GOLM1: variants seen among roughly 807,000 people sequenced by gnomAD.
GOLM1 encodes epididymis luminal protein 46.
GOLM1 carries 31 observed loss-of-function variants against 50.5 expected under a neutral mutation model. The observed-to-expected ratio is 0.61, with a 90% confidence interval of 0.46 to 0.83. GOLM1 has a LOEUF of 0.83. GOLM1 is among the 40% of genes least tolerant of loss of function. The pLI, the probability that GOLM1 is intolerant of heterozygous loss-of-function variation, is 0.00. For synonymous variants in GOLM1, 178 were observed against 192.8 expected, an observed-to-expected ratio of 0.92 and a Z score of 0.64; for missense variants, 491 against 501.3, an observed-to-expected ratio of 0.98 and a Z score of 0.20.
intron 1 of GOLM1, among the ~76,000 whole-genome samples, chr9:86,092,975 T>C (rs903525104): frequency 6.6e-6 from 1 of 152,238 alleles, no homozygotes; most frequent in African/African-American, 2.4e-5. Flanking sequence ...GTCTCATACT[T>C]GGTTATAAGC....
intron 9 of GOLM1, 62 bp from the exon 10 acceptor site, chr9:86,027,955 G>T: frequency 2.0e-6 from 2 of 977,284 alleles, no homozygotes; most frequent in Non-Finnish European, 3.1e-6. Flanking sequence ...CCCTAGGCAG[G>T]TCCCATTTTC....
chr9:86,066,620 A>G (rs1005980132), intron 3 of GOLM1, among the ~76,000 whole-genome samples: 5 of 152,250 alleles, frequency 3.3e-5, no homozygotes, highest in African/African-American at 1.2e-4. Context: ...AAATAAGTAA[A>G]AAGTATAAAT....
At position 86,026,552 on chromosome 9, in the gene GOLM1, G is replaced by A; in HGVS notation, c.*1265C>T. On this transcript the variant is annotated 3_prime_UTR_variant, in exon 10 of 10. Coordinates refer to ENST00000388712, the MANE Select transcript of GOLM1 (RefSeq NM_016548.4). ...TTCCCCTCTGAAAATAAGAGGGTTG[G>A]ATCAAACGATCTCTGGGGCCTTAGC... 8 of 895,086 alleles carry A rather than the reference G, an allele frequency of 8.9e-6. No individual in the cohort carries two copies. The highest frequency in any genetic ancestry group is 1.1e-5 in the Non-Finnish European group (8 of 747,546). The allele number at this position is 895,086 out of a possible 1,614,324, so 55.4% of individuals were successfully genotyped here.
chr9:86,058,709 A>AAAG (rs1834062190), intron 3 of GOLM1, among the ~76,000 whole-genome samples: 1 of 150,774 alleles, frequency 6.6e-6, no homozygotes, highest in Non-Finnish European at 1.5e-5. Context: ...AAAAAAAAAA[A>AAAG]AAATAGCCAG....
intron 3 of GOLM1, among the ~76,000 whole-genome samples, chr9:86,059,899 CAAAAAAAAAAAA>C (rs139699884): frequency 1.9e-5 from 1 of 52,450 alleles, no homozygotes. Context: ...GAGTCTATCT[CAAAAAAAAAAAA>C]AAAAAAAAAA....
At chr9:86,053,676 ACCAC>A (rs1833885375) in intron 3 of GOLM1, among the ~76,000 whole-genome samples, 4 of 32,896 alleles carry the variant, frequency 1.2e-4, no homozygotes, top group African/African-American at 3.2e-4. Context: ...CACACGGCAC[ACCAC>A]TCCACACACA....
In GOLM1 at chr9:86,027,526, G is replaced by A. The variant is rs572170337; in HGVS notation, c.*291C>T. The stretch of plus-strand genomic sequence containing the variant: ...TCCAGAATCAGGAAGCCCCGCTGTC[G>A]CCAACACTTGAAGGAGAACTATGTT... On this transcript the variant is annotated 3_prime_UTR_variant, in exon 10 of 10. Transcript: ENST00000388712. 11 of 1,186,780 alleles carry A rather than the reference G, an allele frequency of 9.3e-6. No individual in the cohort carries two copies. The highest frequency in any genetic ancestry group is 6.4e-5 in the African/African-American group (4 of 62,412). 73.5% of individuals were successfully genotyped at this position (1,186,780 alleles called of 1,614,324 possible). A position where few individuals can be genotyped will look rare whatever the true frequency, so the allele number is the denominator to read the frequency against.
rs189922913 is a variant in GOLM1, at chr9:86,056,653, C to A, written c.310-4062G>T. On this transcript the variant is annotated intron_variant, in intron 3 of 9. Coordinates refer to ENST00000388712, the MANE Select transcript of GOLM1 (RefSeq NM_016548.4). ...CCTGAGTAGCTGGGACTACAGGCGC[C>A]CGCCACCACGCCTGGCTAATTTTTT... Among the ~76,000 whole-genome samples, 30 of 151,698 alleles carry A rather than the reference C, an allele frequency of 2.0e-4. No homozygotes were observed. In the East Asian group the frequency reaches 5.9e-3, roughly 30 times the overall value.
At chr9:86,093,424 T>C (rs1835249506) in intron 1 of GOLM1, among the ~76,000 whole-genome samples, 1 of 149,386 alleles carries the variant, frequency 6.7e-6, no homozygotes, top group South Asian at 2.1e-4. Flanking sequence ...CCCAAAATTA[T>C]CTGGGTGTGG....
chr9:86,081,632 G>A (rs1267655431), intron 1 of GOLM1, among the ~76,000 whole-genome samples: 1 of 151,912 alleles, frequency 6.6e-6, no homozygotes, highest in Non-Finnish European at 1.5e-5. Flanking sequence ...GCTCATGCCT[G>A]TAATCCCAGC....
rs1196653975 is a variant in GOLM1, at chr9:86,048,719, GTTGT to G, written c.365-2151_365-2148del. 7.9e-5 allele frequency among the ~76,000 whole-genome samples: 12 copies of G among 152,224 alleles called. No homozygotes were observed. In the South Asian group the frequency reaches 8.3e-4, roughly 11 times the overall value. ...TATGCTTTGCCCACTTTTTGATGGG[GTTGT>G]TTGATTTTTTTCTTCTAAATTTGTT... On this transcript the variant is annotated intron_variant, in intron 4 of 9. Transcript: ENST00000388712.
intron 3 of GOLM1, among the ~76,000 whole-genome samples, chr9:86,064,875 T>C (rs1834263329): frequency 6.6e-6 from 1 of 152,202 alleles, no homozygotes; most frequent in Non-Finnish European, 1.5e-5. Flanking sequence ...TTGCTGTGCT[T>C]TCCTGAACCA....
At chr9:86,076,930 A>G (rs1730192985) in intron 3 of GOLM1, among the ~76,000 whole-genome samples, 1 of 151,682 alleles carries the variant, frequency 6.6e-6, no homozygotes, top group South Asian at 2.1e-4. Flanking sequence ...TCTACGCAGG[A>G]TTTGTTGGTT....
chr9:86,094,533 G>A (rs1254574945), intron 1 of GOLM1, among the ~76,000 whole-genome samples: 2 of 152,218 alleles, frequency 1.3e-5, no homozygotes, highest in Non-Finnish European at 2.9e-5. Context: ...ATAGTGGTAG[G>A]TAGTAGAAAC....
intron 4 of GOLM1, among the ~76,000 whole-genome samples, chr9:86,047,611 C>T (rs1238503616): frequency 6.6e-6 from 1 of 152,120 alleles, no homozygotes; most frequent in Admixed American, 6.5e-5. Flanking sequence ...CAGTGGTGAT[C>T]TGCGAGACTA....
chr9:86,080,528 G>T (rs1834752776), intron 1 of GOLM1, among the ~76,000 whole-genome samples: 1 of 152,076 alleles, frequency 6.6e-6, no homozygotes, highest in Non-Finnish European at 1.5e-5. Context: ...TACCACCAAG[G>T]ATTCACCTGC....
chr9:86,033,645 G>A (rs1195018424), intron 8 of GOLM1, among the ~76,000 whole-genome samples: 1 of 152,160 alleles, frequency 6.6e-6, no homozygotes, highest in Non-Finnish European at 1.5e-5. Context: ...GCAGAACATG[G>A]AGAAACTAAC....
At position 86,027,312 on chromosome 9, in the gene GOLM1, A is replaced by ATTGAT. The variant is rs1418433721; in HGVS notation, c.*500_*504dup. ...AGTCAGTGCTCTAGGCCATTGATTGATTGATTGTCAGAATCAGAAGTGACT... is the reference window on the plus strand; with the variant it reads ...AGTCAGTGCTCTAGGCCATTGATTGATTGATTTGATTGTCAGAATCAGAAGTGACT... On this transcript the variant is annotated 3_prime_UTR_variant, in exon 10 of 10. Coordinates refer to ENST00000388712, the MANE Select transcript of GOLM1 (RefSeq NM_016548.4). The ATTGAT allele has an allele frequency of 1.0e-6, 1 of 986,058 alleles. No individual in the cohort carries two copies. Among genetic ancestry groups the ATTGAT allele is most frequent in the Non-Finnish European group, 1.2e-6 (1 of 830,392 alleles). 61.1% of individuals were successfully genotyped at this position (986,058 alleles called of 1,614,324 possible). A position where few individuals can be genotyped will look rare whatever the true frequency, so the allele number is the denominator to read the frequency against.
chr9:86,053,288 CCACACCA>C lies in GOLM1; in HGVS notation c.310-704_310-698del, dbSNP rs1833835921. 2.1e-5 allele frequency among the ~76,000 whole-genome samples: 3 copies of C among 142,886 alleles called. No homozygotes were observed. The Admixed American group carries it at 2.1e-4, about 10-fold the overall frequency. The allele number at this position is 142,886 out of a possible 152,430, so 93.7% of individuals were successfully genotyped here. A position where few individuals can be genotyped will look rare whatever the true frequency, so the allele number is the denominator to read the frequency against. On this transcript the variant is annotated intron_variant, in intron 3 of 9. Transcript: ENST00000388712. Reference sequence around the variant, plus strand: ...ACGCCAGACCACACCACACACCATTCCACACCACACACCACACCAAACCACAGCAGGC... The same window carrying C: ...ACGCCAGACCACACCACACACCATTCCACACCACACCAAACCACAGCAGGC...
Sources: allele counts gnomAD v4.1 joint callset (sites outside exome capture counted in the v4.1 genomes callset), GRCh38; gene constraint gnomAD v4.1.1; transcripts MANE v1.5; gene names NCBI Gene and HGNC (gene_info 2026-07-23, HGNC 2026-07-21).